KCNJ8: variants seen among roughly 807,000 people sequenced by gnomAD.
KCNJ8 encodes the protein potassium inwardly rectifying channel subfamily J member 8.
A neutral mutation model predicts 28.2 loss-of-function variants in KCNJ8; 13 were observed. The ratio of observed to expected loss-of-function variants is 0.46; its 90% confidence interval spans 0.30 to 0.73. KCNJ8 has a LOEUF of 0.73. Ranked by LOEUF, KCNJ8 falls within the 30% of genes least tolerant of loss-of-function variation. KCNJ8 has a pLI of 0.07. For synonymous variants in KCNJ8, 188 were observed against 195.9 expected, an observed-to-expected ratio of 0.96 and a Z score of 0.34; for missense variants, 284 against 542.6, an observed-to-expected ratio of 0.52 and a Z score of 4.73.
intron 2 of KCNJ8, among the ~76,000 whole-genome samples, chr12:21,772,890 GA>G (rs1940794144): frequency 6.6e-6 from 1 of 152,180 alleles, no homozygotes; most frequent in African/African-American, 2.4e-5. Flanking sequence ...TGTGGGCACT[GA>G]AACTATGGAC....
chr12:21,773,360 A>T lies in KCNJ8; in HGVS notation c.257T>A (p.Leu86His), dbSNP rs747808665. The T allele has an allele frequency of 6.2e-7, 1 of 1,614,234 alleles. No homozygotes were observed. Among genetic ancestry groups the T allele is most frequent in the Non-Finnish European group, 8.5e-7 (1 of 1,180,038 alleles). Reference sequence around the variant, plus strand: ...CACCAGCCACCACATGATAGCGAAGAGCAGCCAGCTGCAGAGGAAGGACAT... The same window carrying T: ...CACCAGCCACCACATGATAGCGAAGTGCAGCCAGCTGCAGAGGAAGGACAT... ...FTMSFLCSWL[L>H]FAIMWWLVAF... The change falls in exon 2 of 3, where the codon CTC becomes CAC. Residue 86 changes from leucine (L) to histidine (H), a missense_variant. Coordinates refer to ENST00000240662, the MANE Select transcript of KCNJ8 (RefSeq NM_004982.4). This position sits in a 1 kb window ranked among gnomAD's most constrained non-coding sequence, Gnocchi z 4.6.
Position 21,773,762 on chromosome 12 carries a change from T to A in KCNJ8, c.-70-76A>T. 1 of 1,104,674 alleles carries A rather than the reference T, an allele frequency of 9.1e-7. No individual in the cohort carries two copies. Among genetic ancestry groups the A allele is most frequent in the African/African-American group, 1.5e-5 (1 of 64,850 alleles). The allele number at this position is 1,104,674 out of a possible 1,614,324, so 68.4% of individuals were successfully genotyped here. On this transcript the variant is annotated intron_variant, in intron 1 of 2. Coordinates refer to ENST00000240662, the MANE Select transcript of KCNJ8 (RefSeq NM_004982.4). This position sits in a 1 kb window ranked among gnomAD's most constrained non-coding sequence, Gnocchi z 4.6. Reference sequence around the variant, plus strand: ...CCTCTTGGGTCCTTGTATTCAAGGATATGTCTGTACATGTGCGAGGTGACA... The same window carrying A: ...CCTCTTGGGTCCTTGTATTCAAGGAAATGTCTGTACATGTGCGAGGTGACA...
At chr12:21,774,369 A>G (rs1181449257) in intron 1 of KCNJ8, among the ~76,000 whole-genome samples, 177 bp downstream of exon 1, 1 of 150,160 alleles carries the variant, frequency 6.7e-6, no homozygotes, top group East Asian at 1.9e-4. Context: ...GGAATCAAAT[A>G]TACAAGGTGC....
chr12:21,768,777 C>T (rs1940693101), intron 2 of KCNJ8, among the ~76,000 whole-genome samples: 1 of 152,304 alleles, frequency 6.6e-6, no homozygotes, highest in Non-Finnish European at 1.5e-5. Context: ...AACTAGGTCA[C>T]AACATTCCCC....
At position 21,765,436 on chromosome 12, in the gene KCNJ8, A is replaced by C. The variant is rs570125943; in HGVS notation, c.*287T>G. Reference sequence around the variant, plus strand: ...GCTCAAGGCCTGTTACTATTAGTGTAATTCTTGTGTTTCAAATTGAGAGAA... The same window carrying C: ...GCTCAAGGCCTGTTACTATTAGTGTCATTCTTGTGTTTCAAATTGAGAGAA... On this transcript the variant is annotated 3_prime_UTR_variant, in exon 3 of 3. Coordinates refer to ENST00000240662, the MANE Select transcript of KCNJ8 (RefSeq NM_004982.4). 1 of 461,388 alleles carries C rather than the reference A, an allele frequency of 2.2e-6. No homozygotes were observed. Among genetic ancestry groups the C allele is most frequent in the African/African-American group, 2.0e-5 (1 of 50,738 alleles). The allele number at this position is 461,388 out of a possible 1,614,324, so 28.6% of individuals were successfully genotyped here. A position where few individuals can be genotyped will look rare whatever the true frequency, so the allele number is the denominator to read the frequency against.
intron 2 of KCNJ8, among the ~76,000 whole-genome samples, chr12:21,767,857 C>T (rs745960455): frequency 2.0e-5 from 3 of 152,172 alleles, no homozygotes; most frequent in South Asian, 2.1e-4. Flanking sequence ...TTTTTCAAAA[C>T]GTGCTCACTT....
intron 2 of KCNJ8, among the ~76,000 whole-genome samples, chr12:21,772,410 T>C (rs1940784005): frequency 6.6e-6 from 1 of 152,184 alleles, no homozygotes; most frequent in African/African-American, 2.4e-5. Flanking sequence ...TCACCTCAAC[T>C]AAATGTTCTT....
intron 2 of KCNJ8, among the ~76,000 whole-genome samples, chr12:21,769,807 C>A (rs1940715179): frequency 6.6e-6 from 1 of 152,190 alleles, no homozygotes; most frequent in Non-Finnish European, 1.5e-5. Flanking sequence ...CAAGGGCATT[C>A]TGAAGATGTG....
chr12:21,765,347 C>A lies in KCNJ8; in HGVS notation c.*376G>T. 3.1e-6 allele frequency: 1 copy of A among 327,096 alleles called. No individual in the cohort carries two copies. Among genetic ancestry groups the A allele is most frequent in the South Asian group, 2.9e-5 (1 of 34,612 alleles). 20.3% of individuals were successfully genotyped at this position (327,096 alleles called of 1,614,324 possible). A position where few individuals can be genotyped will look rare whatever the true frequency, so the allele number is the denominator to read the frequency against. On this transcript the variant is annotated 3_prime_UTR_variant, in exon 3 of 3. Coordinates refer to ENST00000240662, the MANE Select transcript of KCNJ8 (RefSeq NM_004982.4). ...GCATTTCCAGAGTGATCATTAGTAA[C>A]ACAGCGATCTGGGTTTCACCAACTA...
At chr12:21,767,211 C>CTAGATGG (rs1282443276) in intron 2 of KCNJ8, among the ~76,000 whole-genome samples, 2 of 151,916 alleles carry the variant, frequency 1.3e-5, no homozygotes, top group Admixed American at 1.3e-4. Context: ...ACACATTATT[C>CTAGATGG]CAAACAACTA....
Position 21,765,804 on chromosome 12 carries a change from G to T in KCNJ8, c.1194C>A (p.Ile398=). 1 of 1,613,958 alleles carries T rather than the reference G, an allele frequency of 6.2e-7. No individual in the cohort carries two copies. Among genetic ancestry groups the T allele is most frequent in the South Asian group, 1.1e-5 (1 of 91,070 alleles). The part of the protein sequence containing the change: ...RNNSMRRNNS[I]RRNNSSLMVP... ...CCATGAGGGAAGAATTGTTCCTTCGGATAGAATTGTTCCTCCTCATGGAAT... is the reference window on the plus strand; with the variant it reads ...CCATGAGGGAAGAATTGTTCCTTCGTATAGAATTGTTCCTCCTCATGGAAT... The change falls in exon 3 of 3, where the codon ATC becomes ATA. Residue 398 remains isoleucine (I), a synonymous_variant. Coordinates refer to ENST00000240662, the MANE Select transcript of KCNJ8 (RefSeq NM_004982.4).
In KCNJ8 at chr12:21,766,253, G is replaced by T; in HGVS notation, c.745C>A (p.Pro249Thr). ...EVVPIHQLDIPVDNPIESNNI... is the reference protein window; with the variant it reads ...EVVPIHQLDITVDNPIESNNI... Reference sequence around the variant, plus strand: ...TTGCTCTCGATTGGGTTATCAACAGGAATGTCCAGTTGGTGAATAGGAACC... The same window carrying T: ...TTGCTCTCGATTGGGTTATCAACAGTAATGTCCAGTTGGTGAATAGGAACC... The change falls in exon 3 of 3, where the codon CCT becomes ACT. Residue 249 changes from proline to threonine, a missense_variant. By Grantham distance (38) the Pro-to-Thr change is conservative. Coordinates refer to ENST00000240662, the MANE Select transcript of KCNJ8 (RefSeq NM_004982.4). The surrounding 1 kb of genome is among the most constrained non-coding windows in gnomAD (Gnocchi z 6.5). The T allele has an allele frequency of 6.2e-7, 1 of 1,614,118 alleles. No homozygotes were observed. Among genetic ancestry groups the T allele is most frequent in the Non-Finnish European group, 8.5e-7 (1 of 1,180,028 alleles).
At position 21,765,782 on chromosome 12, in the gene KCNJ8, T is replaced by C. The variant is rs1206291531; in HGVS notation, c.1216A>G (p.Met406Val). Residue 406 changes from methionine to valine, a missense_variant, in exon 3 of 3, where the codon ATG becomes GTG. Met to Val is a conservative substitution (Grantham distance 21, BLOSUM62 1). Transcript: ENST00000240662. ...NSIRRNNSSL[M>V]VPKVQFMTPE... is the part of the protein sequence containing the mutation. The stretch of plus-strand genomic sequence containing the variant: ...GTCATAAATTGCACCTTTGGTACCA[T>C]GAGGGAAGAATTGTTCCTTCGGATA... The C allele has an allele frequency of 1.9e-6, 3 of 1,614,192 alleles. No individual in the cohort carries two copies. Among genetic ancestry groups the C allele is most frequent in the South Asian group, 1.1e-5 (1 of 91,086 alleles).
intron 2 of KCNJ8, among the ~76,000 whole-genome samples, chr12:21,770,428 CA>C (rs1361102375): frequency 2.0e-5 from 3 of 152,110 alleles, no homozygotes; most frequent in African/African-American, 7.2e-5. Context: ...TGCTTTATTG[CA>C]ATGGTCTGGA....
chr12:21,766,144 AG>A lies in KCNJ8; in HGVS notation c.853del (p.Leu285TrpfsTer9). ...TATGACCTCCAAGTCTTGGTTGGCC[AG>A]GTCAGTTGCTGAGATGTCATACAGG... ...SPLYDISATDLANQDLEVIVI... is the reference protein window; with the variant it reads ...SPLYDISATDXANQDLEVIVI... On this transcript the variant is annotated frameshift_variant, in exon 3 of 3. Transcript: ENST00000240662. LOFTEE classifies it high-confidence loss of function. This position sits in a 1 kb window ranked among gnomAD's most constrained non-coding sequence, Gnocchi z 6.5. 1 of 1,614,186 alleles carries A rather than the reference AG, an allele frequency of 6.2e-7. No individual in the cohort carries two copies. Among genetic ancestry groups the A allele is most frequent in the Non-Finnish European group, 8.5e-7 (1 of 1,180,022 alleles).
At chr12:21,772,975 A>AT (rs532785855) in intron 2 of KCNJ8, among the ~76,000 whole-genome samples, 358 of 151,688 alleles carry the variant, frequency 2.4e-3, no homozygotes, top group African/African-American at 7.0e-3. Flanking sequence ...TTGAATTACA[A>AT]TTTTTTTTTG....
At position 21,766,952 on chromosome 12, in the gene KCNJ8, C is replaced by T. The variant is rs966260217; in HGVS notation, c.375-329G>A. On this transcript the variant is annotated intron_variant, in intron 2 of 2. Coordinates refer to ENST00000240662, the MANE Select transcript of KCNJ8 (RefSeq NM_004982.4). The surrounding 1 kb of genome is among the most constrained non-coding windows in gnomAD (Gnocchi z 6.5). ...TTTGTGTAAAAGATTAATATATTTTCATATATATGCATATTTTACCTTGCG... is the reference window on the plus strand; with the variant it reads ...TTTGTGTAAAAGATTAATATATTTTTATATATATGCATATTTTACCTTGCG... Among the ~76,000 whole-genome samples the T allele has an allele frequency of 7.2e-5, 11 of 152,116 alleles. No individual in the cohort carries two copies. The highest frequency in any genetic ancestry group is 2.9e-5 in the Non-Finnish European group (2 of 68,018).
Position 21,766,264 on chromosome 12 carries a change from T to A in KCNJ8, c.734A>T (p.Gln245Leu). 6.2e-7 allele frequency: 1 copy of A among 1,614,146 alleles called. No homozygotes were observed. The highest frequency in any genetic ancestry group is 1.3e-5 in the African/African-American group (1 of 75,024). ...TGGGTTATCAACAGGAATGTCCAGT[T>A]GGTGAATAGGAACCACCTCCCCTTC... Reference protein sequence around the residue: ...TPEGEVVPIHQLDIPVDNPIE... With the variant: ...TPEGEVVPIHLLDIPVDNPIE... Residue 245 changes from glutamine (Q) to leucine (L), a missense_variant, in exon 3 of 3, where the codon CAA (glutamine) becomes CTA (leucine). Transcript: ENST00000240662. This position sits in a 1 kb window ranked among gnomAD's most constrained non-coding sequence, Gnocchi z 6.5.
intron 2 of KCNJ8, among the ~76,000 whole-genome samples, chr12:21,769,975 A>G (rs1940719875): frequency 6.6e-6 from 1 of 152,238 alleles, no homozygotes; most frequent in Non-Finnish European, 1.5e-5. Context: ...GATTACATAA[A>G]TTTAGTTGAT....
Sources: gnomAD v4.1 joint callset for allele counts (sites outside exome capture counted in the v4.1 genomes callset) on GRCh38, gnomAD v4.1.1 for gene constraint, Gnocchi (gnomAD v3.1) non-coding constraint, MANE v1.5 for transcripts, NCBI Gene and HGNC (gene_info 2026-07-23, HGNC 2026-07-21) for gene names.